Variants in ABLIM3 observed in about 807,000 individuals in gnomAD.
ABLIM3 encodes actin-binding LIM protein 3.
ABLIM3 carries 61 observed loss-of-function variants against 109.5 expected under a neutral mutation model. The ratio of observed to expected loss-of-function variants is 0.56; its 90% CI spans 0.45 to 0.69. The LOEUF (loss-of-function observed/expected upper bound fraction) is 0.69, where lower values mean the gene tolerates loss of function less well. ABLIM3 is among the 30% of genes least tolerant of loss of function. ABLIM3 has a pLI of 0.00. For synonymous variants in ABLIM3, 300 were observed against 324.8 expected, an observed-to-expected ratio of 0.92 and a Z score of 0.82; for missense variants, 796 against 889.5, an observed-to-expected ratio of 0.89 and a Z score of 1.34.
intron 2 of ABLIM3, among the ~76,000 whole-genome samples, chr5:149,157,062 A>G (rs1229337340): frequency 6.6e-6 from 1 of 152,264 alleles, no homozygotes; most frequent in African/African-American, 2.4e-5. Context: ...CAAATAAGAT[A>G]GAGAAGGTCA....
intron 7 of ABLIM3, among the ~76,000 whole-genome samples, chr5:149,212,860 C>A (rs931349595): frequency 6.6e-6 from 1 of 152,224 alleles, no homozygotes; most frequent in Admixed American, 6.5e-5. Context: ...AGTGGTGGCT[C>A]ACACCTGTAA....
chr5:149,153,609 A>G lies in ABLIM3; in HGVS notation c.13+11501A>G, dbSNP rs967733893. ...TTGAAACATTATATTCAGGGAAGAC[A>G]GTGATCAGCCCGTATATTCCCAGAA... On this transcript the variant is annotated intron_variant, in intron 2 of 23. Coordinates refer to ENST00000309868, the MANE Select transcript of ABLIM3 (RefSeq NM_014945.5). 8.5e-5 allele frequency among the ~76,000 whole-genome samples: 13 copies of G among 152,364 alleles called. No homozygotes were observed. In the East Asian group the frequency reaches 1.5e-3, roughly 18 times the overall value.
chr5:149,221,808 G>A (rs1032286375), intron 8 of ABLIM3, among the ~76,000 whole-genome samples: 2 of 151,930 alleles, frequency 1.3e-5, no homozygotes, highest in African/African-American at 2.4e-5. Flanking sequence ...CCCAAATGTG[G>A]TTCATGAGAC....
At chr5:149,204,914 C>T (rs1323907915) in intron 5 of ABLIM3, among the ~76,000 whole-genome samples, 1 of 152,182 alleles carries the variant, frequency 6.6e-6, no homozygotes, top group Non-Finnish European at 1.5e-5. Flanking sequence ...AGATGTACCA[C>T]TGAAAGTCGA....
At chr5:149,193,098 C>CA (rs1238768190) in intron 3 of ABLIM3, among the ~76,000 whole-genome samples, 7 of 151,612 alleles carry the variant, frequency 4.6e-5, no homozygotes, top group Non-Finnish European at 7.4e-5. Flanking sequence ...GTCACTAAAA[C>CA]AAAAAAAGAA....
chr5:149,216,780 A>T, intron 7 of ABLIM3, 179 bp from the exon 8 acceptor site: 1 of 594,496 alleles, frequency 1.7e-6, no homozygotes. Flanking sequence ...GGAGTGAATC[A>T]CGAAGCTTCC....
intron 3 of ABLIM3, among the ~76,000 whole-genome samples, chr5:149,193,087 G>A (rs12108753): frequency 0.062 from 9,419 of 151,850 alleles, 700 homozygotes; most frequent in African/African-American, 0.18. Flanking sequence ...TCAAACAACT[G>A]GTCACTAAAA....
intron 2 of ABLIM3, among the ~76,000 whole-genome samples, chr5:149,147,536 G>A (rs935511074): frequency 6.6e-6 from 1 of 151,904 alleles, no homozygotes; most frequent in African/African-American, 2.4e-5. Flanking sequence ...TTTTCATTTT[G>A]TGTAAATACT....
chr5:149,237,523 C>T lies in ABLIM3; in HGVS notation c.964C>T (p.Gln322Ter). 6.2e-7 allele frequency: 1 copy of T among 1,614,214 alleles called. No individual in the cohort carries two copies. The highest frequency in any genetic ancestry group is 8.5e-7 in the Non-Finnish European group (1 of 1,180,040). The part of the protein sequence containing the change: ...LPKVKSIYEV[Q>*]RPDLISYEPH... ...CAAGGTTAAGTCTATCTACGAGGTA[C>T]AACGCCCCGACCTCATTTCCTATGA... The change falls in exon 11 of 24, where the codon CAA (glutamine) becomes TAA (stop). Residue 322 changes from glutamine (Q) to a stop codon, truncating the protein, a stop_gained. Coordinates refer to ENST00000309868, the MANE Select transcript of ABLIM3 (RefSeq NM_014945.5). LOFTEE classifies it high-confidence loss of function.
chr5:149,239,291 T>C lies in ABLIM3; in HGVS notation c.1074+14T>C. The C allele has an allele frequency of 6.2e-7, 1 of 1,609,442 alleles. No homozygotes were observed. The highest frequency in any genetic ancestry group is 8.5e-7 in the Non-Finnish European group (1 of 1,175,856). On this transcript the variant is annotated intron_variant, in intron 12 of 23. Transcript: ENST00000309868. The stretch of plus-strand genomic sequence containing the variant: ...CCCTACTCCCAGGTAATTCAGCTGA[T>C]AGAGAATTAAGTTGATATATAATTG...
At chr5:149,165,191 G>A (rs1411370568) in intron 2 of ABLIM3, among the ~76,000 whole-genome samples, 1 of 152,184 alleles carries the variant, frequency 6.6e-6, no homozygotes, top group African/African-American at 2.4e-5. Context: ...CCTCTGAGCA[G>A]GCTTTGTAAA....
In ABLIM3 at chr5:149,231,422, G is replaced by T. The variant is rs117463204; in HGVS notation, c.816+715G>T. 1.2e-4 allele frequency among the ~76,000 whole-genome samples: 19 copies of T among 152,280 alleles called. No homozygotes were observed. The East Asian group carries it at 2.5e-3, about 20-fold the overall frequency. ...GAGGAGACACCTGGGGTGTGTGTTG[G>T]GGGATGGGGAATGGGGCCTTTACAT... On this transcript the variant is annotated intron_variant, in intron 9 of 23. Transcript: ENST00000309868.
intron 10 of ABLIM3, among the ~76,000 whole-genome samples, chr5:149,236,595 A>G (rs1752217587): frequency 6.6e-6 from 1 of 152,106 alleles, no homozygotes; most frequent in Non-Finnish European, 1.5e-5. Flanking sequence ...CAATCCATGC[A>G]GCTCTAGAGG....
intron 2 of ABLIM3, among the ~76,000 whole-genome samples, chr5:149,144,468 C>G (rs1752746102): frequency 6.6e-6 from 1 of 152,168 alleles, no homozygotes. Context: ...CAAAAAAGCT[C>G]CCCTTTGAGA....
Position 149,200,333 on chromosome 5 carries a change from G to A in ABLIM3, c.353G>A (p.Gly118Glu). 2.5e-6 allele frequency: 4 copies of A among 1,614,198 alleles called. No individual in the cohort carries two copies. Among genetic ancestry groups the A allele is most frequent in the Non-Finnish European group, 3.4e-6 (4 of 1,180,034 alleles). The change falls in exon 5 of 24, where the codon GGA becomes GAA. Residue 118 changes from glycine to glutamate, a missense_variant. Coordinates refer to ENST00000309868, the MANE Select transcript of ABLIM3 (RefSeq NM_014945.5). Reference sequence around the variant, plus strand: ...ACTTGCAGGAAGCCTTTCCCCATTGGAGACAAGGTGACCTTCAGCGGTAAA... The same window carrying A: ...ACTTGCAGGAAGCCTTTCCCCATTGAAGACAAGGTGACCTTCAGCGGTAAA... Reference protein sequence around the residue: ...CSLCRKPFPIGDKVTFSGKEC... With the variant: ...CSLCRKPFPIEDKVTFSGKEC...
At chr5:149,249,461 C>T (rs980402542) in intron 18 of ABLIM3, among the ~76,000 whole-genome samples, 2 of 152,204 alleles carry the variant, frequency 1.3e-5, no homozygotes, top group African/African-American at 4.8e-5. Context: ...ACTGCTGAGC[C>T]TGTTTTCCTG....
In ABLIM3 at chr5:149,241,074, G is replaced by A. The variant is rs182313860; in HGVS notation, c.1303+300G>A. 9.1e-4 allele frequency among the ~76,000 whole-genome samples: 139 copies of A among 152,358 alleles called. 5 individuals carry two copies. In the South Asian group the frequency reaches 0.024, roughly 26 times the overall value. On this transcript the variant is annotated intron_variant, in intron 14 of 23. Transcript: ENST00000309868. Reference sequence around the variant, plus strand: ...GAGGGCTGTGAGGGGCGCAGCAGGGGCACACAGCGGTGAAGGCTACACACT... The same window carrying A: ...GAGGGCTGTGAGGGGCGCAGCAGGGACACACAGCGGTGAAGGCTACACACT...
Position 149,247,929 on chromosome 5 carries a change from T to A in ABLIM3, c.1699T>A (p.Ser567Thr), listed in dbSNP as rs137925558. ...TAGYEMSLNG[S>T]PRSHYLADSD... The stretch of plus-strand genomic sequence containing the variant: ...TGGCTATGAGATGTCCCTCAATGGC[T>A]GTAAGCATGGCTCTGGAAGCCCAAC... Residue 567 changes from serine to threonine, a missense_variant and splice_region_variant, in exon 18 of 24, where the codon TCC becomes ACC. Physicochemically the swap from Ser to Thr is moderately conservative, Grantham distance 58. Coordinates refer to ENST00000309868, the MANE Select transcript of ABLIM3 (RefSeq NM_014945.5). The A allele has an allele frequency of 1.7e-5, 27 of 1,613,620 alleles. No individual in the cohort carries two copies. The highest frequency in any genetic ancestry group is 1.9e-5 in the Non-Finnish European group (23 of 1,179,782).
chr5:149,161,459 C>G (rs1008085823), intron 2 of ABLIM3, among the ~76,000 whole-genome samples: 50 of 152,192 alleles, frequency 3.3e-4, no homozygotes, highest in African/African-American at 1.2e-3. Flanking sequence ...GTCAATAAGC[C>G]CTTTATGTGA....
Sources: gnomAD v4.1 joint callset for allele counts (sites outside exome capture counted in the v4.1 genomes callset) on GRCh38, gnomAD v4.1.1 for gene constraint, MANE v1.5 for transcripts, NCBI Gene and HGNC (gene_info 2026-07-23, HGNC 2026-07-21) for gene names.